The following TLN2 variants were observed in gnomAD, a reference collection of about 807,000 sequenced individuals.
The protein encoded by TLN2 is talin 2, also known as talin-2.
TLN2 carries 118 observed loss-of-function variants against 294.7 expected under a neutral mutation model. That is an observed-to-expected ratio of 0.40 (90% CI 0.34 to 0.47). TLN2 has a LOEUF of 0.47. Among genes scored for constraint, TLN2 ranks in the 20% least tolerant of loss-of-function variants. TLN2 has a pLI of 0.84. For synonymous variants in TLN2, 1,431 were observed against 1,304.5 expected (o/e 1.10, Z -2.09); for missense variants, 3,083 against 3,282.2 (o/e 0.94, Z 1.48).
At chr15:62,467,969 T>A (rs1472380318) in intron 1 of TLN2, among the ~76,000 whole-genome samples, 1 of 152,144 alleles carries the variant, frequency 6.6e-6, no homozygotes, top group Non-Finnish European at 1.5e-5. Flanking sequence ...TTGGGTAAGT[T>A]CACACACTTA....
intron 1 of TLN2, among the ~76,000 whole-genome samples, chr15:62,576,253 G>C (rs991376397): frequency 6.5e-5 from 7 of 108,482 alleles, no homozygotes; most frequent in African/African-American, 2.0e-4. Flanking sequence ...GAAAGAGTGA[G>C]ACCCCGTCTC....
At chr15:62,803,609 G>A (rs772254545) in intron 50 of TLN2, among the ~76,000 whole-genome samples, 11 of 152,156 alleles carry the variant, frequency 7.2e-5, no homozygotes, top group Non-Finnish European at 2.9e-5. Flanking sequence ...GCATTCTTCA[G>A]TATATTAATT....
rs377322530 is a variant in TLN2, at chr15:62,453,592, G to C, written c.-238+62907G>C. 1.2e-4 allele frequency: 19 copies of C among 152,304 alleles called. 1 individual carries two copies. The East Asian group carries it at 3.1e-3, about 25-fold the overall frequency. The allele number at this position is 152,304 out of a possible 1,614,324, so 9.4% of individuals were successfully genotyped here. ...TGAGAGGTGGTTTTATGTAGTGTGA[G>C]TAATTGAAACTTGGTTCTAAGTTTC... On this transcript the variant is annotated intron_variant, in intron 1 of 58. Coordinates refer to ENST00000636159, the MANE Select transcript of TLN2 (RefSeq NM_015059.3).
chr15:62,770,545 AGCTTTTGAAGGTTTCTTTCATCTCCT>A (rs1273199276), intron 41 of TLN2, among the ~76,000 whole-genome samples: 2 of 152,190 alleles, frequency 1.3e-5, no homozygotes, highest in African/African-American at 2.4e-5. Flanking sequence ...CTTCCTACAA[AGCTTTTGAAGGTTTCTTTCATCTCCT>A]GCTTTTTTCT....
chr15:62,788,297 G>A (rs2064840893), intron 45 of TLN2, among the ~76,000 whole-genome samples: 1 of 152,004 alleles, frequency 6.6e-6, no homozygotes, highest in Non-Finnish European at 1.5e-5. Context: ...GACAAAAAGA[G>A]CGAAACTCCA....
chr15:62,673,310 C>CTTTTTTTTTTTTTTGTTTTTTTTTTTTTT (rs2055690960), intron 9 of TLN2, among the ~76,000 whole-genome samples: 1 of 42,856 alleles, frequency 2.3e-5, no homozygotes. Flanking sequence ...TTAGATGTTG[C>CTTTTTTTTTTTTTTGTTTTTTTTTTTTTT]TTTTTTTTTT....
intron 45 of TLN2, among the ~76,000 whole-genome samples, chr15:62,785,555 G>A (rs1053234690): frequency 6.6e-6 from 1 of 151,096 alleles, no homozygotes; most frequent in African/African-American, 2.4e-5. Flanking sequence ...AGAAGGTTGA[G>A]CCAGGAGAAT....
At chr15:62,714,729 A>G (rs192609189) in intron 22 of TLN2, among the ~76,000 whole-genome samples, 59 of 152,342 alleles carry the variant, frequency 3.9e-4, no homozygotes, top group African/African-American at 1.3e-3. Context: ...AGAACACGCA[A>G]TGGTTAGACT....
At chr15:62,709,438 A>C (rs1262438631) in intron 21 of TLN2, among the ~76,000 whole-genome samples, 1 of 152,120 alleles carries the variant, frequency 6.6e-6, no homozygotes, top group Non-Finnish European at 1.5e-5. Flanking sequence ...CAGATAGAGG[A>C]GGAATAGCTC....
At chr15:62,487,884 CAG>C (rs1043404431) in intron 1 of TLN2, among the ~76,000 whole-genome samples, 43 of 151,882 alleles carry the variant, frequency 2.8e-4, no homozygotes, top group Non-Finnish European at 3.7e-4. Flanking sequence ...GCCTGGGAAA[CAG>C]AGTGAGAATC....
intron 22 of TLN2, among the ~76,000 whole-genome samples, chr15:62,712,997 T>G (rs547843140): frequency 6.6e-6 from 1 of 152,176 alleles, no homozygotes; most frequent in Non-Finnish European, 1.5e-5. Flanking sequence ...CCAGGCACGG[T>G]GGCTCACACC....
At chr15:62,673,526 G>A (rs894547973) in intron 9 of TLN2, among the ~76,000 whole-genome samples, 2 of 141,940 alleles carry the variant, frequency 1.4e-5, no homozygotes, top group Non-Finnish European at 3.1e-5. Context: ...TATTTCCTTT[G>A]TTTCTTACAA....
At chr15:62,441,322 C>G (rs1312269327) in intron 1 of TLN2, among the ~76,000 whole-genome samples, 2 of 152,190 alleles carry the variant, frequency 1.3e-5, no homozygotes, top group African/African-American at 2.4e-5. Flanking sequence ...GCCTCGAACT[C>G]CTGGGCTCAC....
chr15:62,664,194 C>T (rs2054249521), intron 9 of TLN2, among the ~76,000 whole-genome samples: 1 of 149,182 alleles, frequency 6.7e-6, no homozygotes. Flanking sequence ...ATGCATACTC[C>T]AAGATCAGAT....
chr15:62,752,390 C>A lies in TLN2; in HGVS notation c.4295C>A (p.Ser1432Tyr). The A allele has an allele frequency of 6.2e-7, 1 of 1,614,118 alleles. No homozygotes were observed. The highest frequency in any genetic ancestry group is 1.1e-5 in the South Asian group (1 of 91,060). Residue 1432 changes from serine to tyrosine, a missense_variant, in exon 35 of 59, where the codon TCC becomes TAC. Coordinates refer to ENST00000636159, the MANE Select transcript of TLN2 (RefSeq NM_015059.3). ...TTTGGGGAATGTGTGGGGATTGCAT[C>A]CAAGGCTCTCTGTGGGCTGACAGAG... ...PAFGECVGIA[S>Y]KALCGLTEAA...
At chr15:62,518,746 C>T (rs1050532493) in intron 1 of TLN2, among the ~76,000 whole-genome samples, 4 of 152,048 alleles carry the variant, frequency 2.6e-5, no homozygotes, top group East Asian at 1.9e-4. Context: ...TACAGGTGCC[C>T]GCCATCACAC....
chr15:62,618,156 T>C (rs370277259), intron 2 of TLN2, among the ~76,000 whole-genome samples, 195 bp from the exon 3 acceptor site: 2 of 149,742 alleles, frequency 1.3e-5, no homozygotes, highest in South Asian at 2.2e-4. Flanking sequence ...AGGTGGATCA[T>C]AGTGGCCCAA....
intron 2 of TLN2, among the ~76,000 whole-genome samples, chr15:62,591,805 C>G (rs2046098279): frequency 6.6e-6 from 1 of 151,974 alleles, no homozygotes. Context: ...GCTCAGAGTT[C>G]CGAGCTGATG....
intron 26 of TLN2, among the ~76,000 whole-genome samples, chr15:62,723,512 G>GGCGGATCACGA (rs1196367866): frequency 6.6e-6 from 1 of 151,358 alleles, no homozygotes; most frequent in East Asian, 2.0e-4. Flanking sequence ...ACTGTCCATT[G>GGCGGATCACGA]GGTACAGGAA....
Sources: allele counts gnomAD v4.1 joint callset (sites outside exome capture counted in the v4.1 genomes callset), GRCh38; gene constraint gnomAD v4.1.1; transcripts MANE v1.5; gene names NCBI Gene and HGNC (gene_info 2026-07-23, HGNC 2026-07-21).